The following NBPF12 variants were observed in gnomAD, a reference collection of about 807,000 sequenced individuals.
NBPF12 encodes NBPF family member NBPF12.
Under a neutral mutation model 146.4 loss-of-function variants are expected in NBPF12, and 115 were observed. That is an observed-to-expected ratio of 0.79 (90% CI 0.68 to 0.92). The LOEUF (loss-of-function observed/expected upper bound fraction) is 0.92. NBPF12 is among the 40% of genes least tolerant of loss of function. NBPF12 has a pLI of 0.00. For missense variants in NBPF12, 1,205 were observed against 1,326.8 expected (o/e 0.91, Z 1.43); for synonymous variants, 385 against 508.9 (o/e 0.76, Z 3.28).
intron 19 of NBPF12, among the ~76,000 whole-genome samples, chr1:146,980,147 T>A (rs1257053973): frequency 2.5e-4 from 38 of 152,032 alleles, no homozygotes; most frequent in African/African-American, 8.7e-4. Context: ...CCCTGCATTT[T>A]TTTGCTTTCC....
At chr1:146,954,900 C>CGT (rs1185399956) in intron 2 of NBPF12, among the ~76,000 whole-genome samples, 28,986 of 110,866 alleles carry the variant, frequency 0.26, 4,154 homozygotes, top group South Asian at 0.48. Flanking sequence ...CACACACAAA[C>CGT]GTGTGTGTGT....
upstream of NBPF12, among the ~76,000 whole-genome samples, chr1:146,944,982 G>T (rs1191218009): frequency 0.036 from 246 of 6,916 alleles, no homozygotes; most frequent in East Asian, 0.08. Context: ...CTCCCTCCCT[G>T]CCTTCCTTCC....
chr1:146,966,338 G>A, intron 8 of NBPF12, 126 bp from the exon 12 acceptor site: 1 of 886,344 alleles, frequency 1.1e-6, no homozygotes, highest in Non-Finnish European at 1.9e-6. Context: ...TGACAAGAGT[G>A]AAACCAGGGA....
At chr1:146,994,208 C>T (rs1553889937) in intron 33 of NBPF12, 124 bp from the exon 37 acceptor site, 2 of 1,590,442 alleles carry the variant, frequency 1.3e-6, no homozygotes, top group South Asian at 1.1e-5. Flanking sequence ...TAATTTGTTA[C>T]CTCATTAATG....
rs1336177585 is a variant in NBPF12, at chr1:146,970,712, T to TC, written c.1377dup (p.Arg460GlnfsTer7). The TC allele has an allele frequency of 7.3e-7, 1 of 1,367,878 alleles. No homozygotes were observed. Among genetic ancestry groups the TC allele is most frequent in the Admixed American group, 1.7e-5 (1 of 59,646 alleles). 84.7% of individuals were successfully genotyped at this position (1,367,878 alleles called of 1,614,324 possible). A position where few individuals can be genotyped will look rare whatever the true frequency, so the allele number is the denominator to read the frequency against. On this transcript the variant is annotated frameshift_variant, in exon 12 of 34. Transcript: ENST00000617844. LOFTEE classifies it high-confidence loss of function. ...GGATGAGAAAGTGCTGGAATCATCTTCCCCCAGGTGACACTGAATACTCAG... is the reference window on the plus strand; with the variant it reads ...GGATGAGAAAGTGCTGGAATCATCTTCCCCCCAGGTGACACTGAATACTCAG...
intron 10 of NBPF12, 62 bp downstream of exon 13, chr1:146,968,612 C>A (rs1274044270): frequency 4.0e-6 from 6 of 1,498,890 alleles, no homozygotes; most frequent in Non-Finnish European, 5.6e-6. Context: ...AGTACAACAG[C>A]TCGGTGGGGA....
chr1:146,970,806 C>T, intron 12 of NBPF12, 87 bp downstream of exon 15: 1 of 1,156,060 alleles, frequency 8.7e-7, no homozygotes, highest in South Asian at 1.2e-5. Context: ...CTATGATGGG[C>T]CAAAAGCCCG....
intron 23 of NBPF12, among the ~76,000 whole-genome samples, 156 bp downstream of exon 26, chr1:146,985,912 G>A (rs1163032445): frequency 6.7e-6 from 1 of 150,318 alleles, no homozygotes; most frequent in Admixed American, 6.6e-5. Context: ...AGATGTTTAG[G>A]TTTCCATTTC....
chr1:146,957,841 A>T lies in NBPF12; in HGVS notation c.-183-2018A>T, dbSNP rs1436988337. Among the ~76,000 whole-genome samples the T allele has an allele frequency of 1.7e-5, 2 of 116,996 alleles. 1 individual carries two copies. The highest frequency in any genetic ancestry group is 3.6e-5 in the Non-Finnish European group (2 of 55,706). 76.8% of individuals were successfully genotyped at this position (116,996 alleles called of 152,430 possible). Reference sequence around the variant, plus strand: ...CACTTAAAAAAGAAAAAAAAAATATAATATATATATATATACACGTGTTAT... The same window carrying T: ...CACTTAAAAAAGAAAAAAAAAATATTATATATATATATATACACGTGTTAT... On this transcript the variant is annotated intron_variant, in intron 2 of 33. Transcript: ENST00000617844.
In NBPF12 at chr1:146,962,129, C is replaced by T. The variant is rs1294271600; in HGVS notation, c.176-32C>T. ...GACCACAGCAGCATGTCCAGCCTTC[C>T]ACTGAGGCAGGCGTGTCTGTCTTTT... On this transcript the variant is annotated intron_variant, in intron 4 of 33. Transcript: ENST00000617844. 2.1e-5 allele frequency: 33 copies of T among 1,605,518 alleles called. No homozygotes were observed. The African/African-American group carries it at 4.3e-4, about 21-fold the overall frequency.
intron 2 of NBPF12, among the ~76,000 whole-genome samples, chr1:146,956,600 C>T (rs1368066446): frequency 1.3e-5 from 2 of 151,742 alleles, no homozygotes; most frequent in African/African-American, 4.9e-5. Context: ...GATTAATAGC[C>T]AGAATCATTA....
Position 146,955,082 on chromosome 1 carries a change from A to G in NBPF12, c.-184+3593A>G, listed in dbSNP as rs1217388316. ...CAGCACAATGAAACAATTTCTCAAA[A>G]GACTTGAATAGATACTTCAGAAAAG... On this transcript the variant is annotated intron_variant, in intron 2 of 33. Transcript: ENST00000617844. Among the ~76,000 whole-genome samples the G allele has an allele frequency of 8.6e-5, 9 of 105,226 alleles. No individual in the cohort carries two copies. In the East Asian group the frequency reaches 1.6e-3, roughly 19 times the overall value. 69.0% of individuals were successfully genotyped at this position (105,226 alleles called of 152,430 possible).
At chr1:146,961,163 G>A (rs1388395744) in intron 4 of NBPF12, among the ~76,000 whole-genome samples, 1 of 151,996 alleles carries the variant, frequency 6.6e-6, no homozygotes, top group African/African-American at 2.4e-5. Flanking sequence ...CAAACAAAAG[G>A]ATAAATAAAT....
upstream of NBPF12, among the ~76,000 whole-genome samples, chr1:146,947,876 G>C (rs1655142120): frequency 6.6e-6 from 1 of 151,792 alleles, no homozygotes; most frequent in Non-Finnish European, 1.5e-5. Context: ...TTCTGTGCTG[G>C]TGACTGGTAT....
chr1:146,973,130 G>C (rs1191195254), intron 14 of NBPF12, among the ~76,000 whole-genome samples, 170 bp downstream of exon 17: 1 of 148,762 alleles, frequency 6.7e-6, no homozygotes, highest in African/African-American at 2.5e-5. Context: ...AGGTACCAAA[G>C]TATTTAGCAA....
chr1:146,980,134 A>C (rs1173741500), intron 19 of NBPF12, among the ~76,000 whole-genome samples: 3 of 151,934 alleles, frequency 2.0e-5, no homozygotes, highest in African/African-American at 7.3e-5. Context: ...CTAGGATTGC[A>C]ACCCCTGCAT....
intron 6 of NBPF12, among the ~76,000 whole-genome samples, chr1:146,963,585 T>G (rs1656002503): frequency 6.6e-6 from 1 of 151,866 alleles, no homozygotes; most frequent in African/African-American, 2.4e-5. Flanking sequence ...AAGGAGGCTG[T>G]GATGGGAGGG....
chr1:146,984,682 T>C (rs1657632430), intron 21 of NBPF12, 131 bp from the exon 25 acceptor site: 4 of 720,026 alleles, frequency 5.6e-6, no homozygotes, highest in African/African-American at 3.8e-5. Flanking sequence ...AAGGCAATAA[T>C]TTGTTACCTC....
intron 10 of NBPF12, among the ~76,000 whole-genome samples, chr1:146,969,025 G>A (rs1386362741): frequency 1.9e-4 from 29 of 151,536 alleles, no homozygotes; most frequent in African/African-American, 5.9e-4. Flanking sequence ...ATGGCTTTGT[G>A]TCTAGTGGCC....
Sources: allele counts gnomAD v4.1 joint callset (sites outside exome capture counted in the v4.1 genomes callset), GRCh38; gene constraint gnomAD v4.1.1; transcripts MANE v1.5; gene names NCBI Gene and HGNC (gene_info 2026-07-23, HGNC 2026-07-21).